Variants in FRMD5 observed in about 807,000 individuals in gnomAD.
The protein encoded by FRMD5 is FERM domain containing 5, also known as FERM domain-containing protein 5.
A neutral mutation model predicts 69.0 loss-of-function variants in FRMD5; 20 were observed. The ratio of observed to expected loss-of-function variants is 0.29; its 90% CI spans 0.20 to 0.42. The LOEUF is 0.42. FRMD5 is among the 10% of genes least tolerant of loss of function. The probability of loss-of-function intolerance (pLI) is 1.00; values close to 1 mark genes in which losing one functional copy is unlikely to be tolerated. For synonymous variants in FRMD5, 271 were observed against 260.1 expected (o/e 1.04, Z -0.40); for missense variants, 595 against 708.6 (o/e 0.84, Z 1.82).
At chr15:44,132,279 G>A (rs2077112563) in intron 1 of FRMD5, among the ~76,000 whole-genome samples, 1 of 152,192 alleles carries the variant, frequency 6.6e-6, no homozygotes, top group South Asian at 2.1e-4. Context: ...CTTGCCGTGT[G>A]GCCTGGTTCC....
chr15:43,951,606 C>T (rs995945568), intron 1 of FRMD5, among the ~76,000 whole-genome samples: 2 of 152,004 alleles, frequency 1.3e-5, no homozygotes, highest in South Asian at 2.1e-4. Flanking sequence ...TACTGAATTC[C>T]CCACACACCA....
chr15:44,038,950 C>T (rs1892058402), intron 1 of FRMD5, among the ~76,000 whole-genome samples: 1 of 152,218 alleles, frequency 6.6e-6, no homozygotes, highest in Non-Finnish European at 1.5e-5. Flanking sequence ...GAAATTCTTG[C>T]TGCTAGCACA....
At chr15:44,133,314 C>A (rs934531355) in intron 1 of FRMD5, among the ~76,000 whole-genome samples, 1 of 151,906 alleles carries the variant, frequency 6.6e-6, no homozygotes, top group African/African-American at 2.4e-5. Context: ...CGGTGGCTCA[C>A]ATCTGTAATC....
intron 1 of FRMD5, among the ~76,000 whole-genome samples, chr15:44,074,740 G>A (rs552411058): frequency 1.3e-5 from 2 of 152,210 alleles, no homozygotes; most frequent in Non-Finnish European, 2.9e-5. Flanking sequence ...TAAAGGGGAT[G>A]AGGTACCTTC....
intron 1 of FRMD5, among the ~76,000 whole-genome samples, chr15:43,986,313 G>A (rs1431004966): frequency 6.6e-6 from 1 of 152,266 alleles, no homozygotes; most frequent in Non-Finnish European, 1.5e-5. Context: ...ACTGGCTAAC[G>A]AAGATGAAAA....
At chr15:44,071,846 T>C (rs1027943075) in intron 1 of FRMD5, among the ~76,000 whole-genome samples, 1 of 152,156 alleles carries the variant, frequency 6.6e-6, no homozygotes, top group Non-Finnish European at 1.5e-5. Context: ...TATACACAAG[T>C]GCTTGTATAC....
chr15:43,937,227 TG>T (rs1184275231), intron 1 of FRMD5, among the ~76,000 whole-genome samples: 1 of 152,244 alleles, frequency 6.6e-6, no homozygotes, highest in Non-Finnish European at 1.5e-5. Flanking sequence ...ATAGGATCAT[TG>T]GGCTTCAGAT....
intron 1 of FRMD5, among the ~76,000 whole-genome samples, chr15:44,058,247 A>G (rs1401922793): frequency 1.3e-5 from 2 of 152,190 alleles, no homozygotes; most frequent in Non-Finnish European, 2.9e-5. Context: ...GTCACAAAAG[A>G]CCACACATGG....
chr15:44,082,188 C>T (rs1376724492), intron 1 of FRMD5, among the ~76,000 whole-genome samples: 3 of 151,922 alleles, frequency 2.0e-5, no homozygotes. Flanking sequence ...CCCCATACGC[C>T]ACTAGCTCAT....
intron 1 of FRMD5, among the ~76,000 whole-genome samples, chr15:44,135,229 C>T (rs988298700): frequency 6.6e-6 from 1 of 152,060 alleles, no homozygotes; most frequent in African/African-American, 2.4e-5. Flanking sequence ...AAGAGTAGTG[C>T]CAGAAGCCTG....
At position 43,956,551 on chromosome 15, in the gene FRMD5, A is replaced by C. The variant is rs151311085; in HGVS notation, c.103-32242T>G. On this transcript the variant is annotated intron_variant, in intron 1 of 13. Transcript: ENST00000417257. ...ATTAGAAACACCTGCTCAATTAAGAAAAATAGATTGAATGGAGAAATCTCA... is the reference window on the plus strand; with the variant it reads ...ATTAGAAACACCTGCTCAATTAAGACAAATAGATTGAATGGAGAAATCTCA... Among the ~76,000 whole-genome samples the C allele has an allele frequency of 7.4e-3, 1,128 of 152,328 alleles. 21 individuals carry two copies. Among genetic ancestry groups the C allele is most frequent in the East Asian group, 0.058 (300 of 5,190 alleles).
intron 1 of FRMD5, among the ~76,000 whole-genome samples, chr15:44,130,462 G>A (rs1050108476): frequency 2.0e-5 from 3 of 152,106 alleles, no homozygotes; most frequent in Non-Finnish European, 2.9e-5. Context: ...AGTTTTAGGT[G>A]ACCCTGAATA....
chr15:43,989,889 G>C lies in FRMD5; in HGVS notation c.103-65580C>G. 4.5e-6 allele frequency: 5 copies of C among 1,103,656 alleles called. No individual in the cohort carries two copies. In the South Asian group the frequency reaches 6.2e-5, roughly 14 times the overall value. The allele number at this position is 1,103,656 out of a possible 1,614,324, so 68.4% of individuals were successfully genotyped here. ...TGGTCAGCAGCATGGGGTGCTCCTT[G>C]GCAGCCACACACAGCTCGTTGTAGA... is the stretch of plus-strand genomic sequence containing the variant. On this transcript the variant is annotated intron_variant, in intron 1 of 13. Transcript: ENST00000417257.
chr15:44,059,497 G>A (rs1448379789), intron 1 of FRMD5, among the ~76,000 whole-genome samples: 1 of 152,034 alleles, frequency 6.6e-6, no homozygotes, highest in African/African-American at 2.4e-5. Flanking sequence ...GATATTCTTA[G>A]TATGGGTCAC....
intron 1 of FRMD5, among the ~76,000 whole-genome samples, chr15:44,037,966 T>C (rs1372809080): frequency 6.6e-6 from 1 of 152,242 alleles, no homozygotes; most frequent in Non-Finnish European, 1.5e-5. Context: ...CATCTGTTGT[T>C]TCCTGGCTTT....
chr15:43,883,375 G>A (rs1226974420), intron 13 of FRMD5, among the ~76,000 whole-genome samples: 1 of 152,158 alleles, frequency 6.6e-6, no homozygotes, highest in African/African-American at 2.4e-5. Context: ...TGAGATTACA[G>A]GTGTGAGCCA....
chr15:44,055,408 C>T (rs1276568070), intron 1 of FRMD5, among the ~76,000 whole-genome samples: 1 of 152,078 alleles, frequency 6.6e-6, no homozygotes, highest in Non-Finnish European at 1.5e-5. Context: ...ACGACAAAAG[C>T]AACTACTAAA....
intron 1 of FRMD5, among the ~76,000 whole-genome samples, chr15:43,957,811 A>C (rs961005228): frequency 6.6e-6 from 1 of 152,140 alleles, no homozygotes; most frequent in African/African-American, 2.4e-5. Context: ...TTTATTCTTA[A>C]TCATTTTTCC....
chr15:44,015,015 T>C (rs1450654812), intron 1 of FRMD5, among the ~76,000 whole-genome samples: 1 of 152,178 alleles, frequency 6.6e-6, no homozygotes, highest in African/African-American at 2.4e-5. Context: ...TTCAATCATA[T>C]GTGATCCCTG....
Sources: gnomAD v4.1 joint callset for allele counts (sites outside exome capture counted in the v4.1 genomes callset) on GRCh38, gnomAD v4.1.1 for gene constraint, MANE v1.5 for transcripts, NCBI Gene and HGNC (gene_info 2026-07-23, HGNC 2026-07-21) for gene names.